Variants in AHCTF1 observed in about 807,000 individuals in gnomAD.
The protein encoded by AHCTF1 is protein ELYS.
In AHCTF1, 24 loss-of-function variants were observed where a neutral mutation model predicts 248.4. The ratio of observed to expected loss-of-function variants is 0.10; its 90% CI spans 0.07 to 0.14. The LOEUF (loss-of-function observed/expected upper bound fraction) is 0.14. Among genes scored for constraint, AHCTF1 ranks in the 10% least tolerant of loss-of-function variants. The pLI, the probability that AHCTF1 is intolerant of heterozygous loss-of-function variation, is 1.00. For synonymous variants in AHCTF1, 786 were observed against 929.8 expected, an observed-to-expected ratio of 0.85 and a Z score of 2.81; for missense variants, 2,206 against 2,636.2, an observed-to-expected ratio of 0.84 and a Z score of 3.57.
chr1:246,909,413 A>C (rs1298561413), intron 4 of AHCTF1, among the ~76,000 whole-genome samples: 3 of 150,384 alleles, frequency 2.0e-5, no homozygotes, highest in African/African-American at 4.9e-5. Flanking sequence ...AAAAAAAAAA[A>C]AAAAAAAAAA....
At chr1:246,904,832 C>T (rs1665270671) in intron 6 of AHCTF1, among the ~76,000 whole-genome samples, 1 of 152,174 alleles carries the variant, frequency 6.6e-6, no homozygotes, top group South Asian at 2.1e-4. Context: ...GCTTCTAACA[C>T]ACCACACCTT....
chr1:246,875,413 G>C (rs988966797), intron 24 of AHCTF1, among the ~76,000 whole-genome samples: 1 of 152,224 alleles, frequency 6.6e-6, no homozygotes, highest in Non-Finnish European at 1.5e-5. Flanking sequence ...TTCTTGTAGA[G>C]TAGTTTGTTA....
At position 246,851,207 on chromosome 1, in the gene AHCTF1, T is replaced by C. The variant is rs1219852485; in HGVS notation, c.4799A>G (p.Glu1600Gly). 4.3e-6 allele frequency: 7 copies of C among 1,613,764 alleles called. No homozygotes were observed. Among genetic ancestry groups the C allele is most frequent in the African/African-American group, 1.3e-5 (1 of 74,908 alleles). The change falls in exon 33 of 36, where the codon GAA becomes GGA. Residue 1600 changes from glutamate (E) to glycine (G), a missense_variant. This residue lies in a region of AHCTF1 where 955 missense variants were observed against 1,055.6 expected (regional missense o/e 0.90). Coordinates refer to ENST00000648844, the MANE Select transcript of AHCTF1 (RefSeq NM_001323342.2). Reference sequence around the variant, plus strand: ...AAAATCACCTGGCTCAACTTCTCCTTCTTCACCTTCCAATATCAAGGTAAA... The same window carrying C: ...AAAATCACCTGGCTCAACTTCTCCTCCTTCACCTTCCAATATCAAGGTAAA... ...SNFTLILEGE[E>G]GEVEPGDFAS...
At chr1:246,916,566 G>T (rs945931330) in intron 2 of AHCTF1, among the ~76,000 whole-genome samples, 171 bp from the exon 3 acceptor site, 5 of 152,034 alleles carry the variant, frequency 3.3e-5, no homozygotes, top group Admixed American at 1.3e-4. Context: ...TAGTCATTCA[G>T]TGGCGTGAAC....
intron 33 of AHCTF1, among the ~76,000 whole-genome samples, chr1:246,847,132 C>T (rs939225985): frequency 6.6e-6 from 1 of 151,638 alleles, no homozygotes; most frequent in Non-Finnish European, 1.5e-5. Context: ...ACTAAAAATA[C>T]AAAAAAATGA....
intron 29 of AHCTF1, among the ~76,000 whole-genome samples, chr1:246,860,662 T>C (rs1032022036): frequency 1.3e-5 from 2 of 152,132 alleles, no homozygotes; most frequent in African/African-American, 4.8e-5. Context: ...CCACCATGCC[T>C]GGCTAATTTT....
At chr1:246,874,631 C>T (rs949718032) in intron 24 of AHCTF1, among the ~76,000 whole-genome samples, 4 of 152,098 alleles carry the variant, frequency 2.6e-5, no homozygotes, top group African/African-American at 9.7e-5. Flanking sequence ...CTTATCCCTA[C>T]GTCTTGAACC....
In AHCTF1 at chr1:246,913,367, T is replaced by C; in HGVS notation, c.421A>G (p.Ser141Gly). The change falls in exon 4 of 36, where the codon AGC becomes GGC. Residue 141 changes from serine to glycine, a missense_variant. This residue lies in a region of AHCTF1 where 34 missense variants were observed against 97.2 expected (regional missense o/e 0.35). Coordinates refer to ENST00000648844, the MANE Select transcript of AHCTF1 (RefSeq NM_001323342.2). Reference protein sequence around the residue: ...PIINHGGASASTQHLHPSLRW... With the variant: ...PIINHGGASAGTQHLHPSLRW... ...AGACTTGGATGTAAATGCTGAGTGC[T>C]TGCACTGGCTCCTCCATGATTAATT... 2 of 1,613,608 alleles carry C rather than the reference T, an allele frequency of 1.2e-6. No individual in the cohort carries two copies. The highest frequency in any genetic ancestry group is 1.7e-6 in the Non-Finnish European group (2 of 1,179,664).
chr1:246,870,261 T>C (rs750508648), intron 24 of AHCTF1, among the ~76,000 whole-genome samples: 5 of 152,026 alleles, frequency 3.3e-5, no homozygotes, highest in South Asian at 4.1e-4. Context: ...CTGGGCGACA[T>C]AGTGAGGCCC....
chr1:246,916,300 C>T lies in AHCTF1; in HGVS notation c.217G>A (p.Val73Ile). The change falls in exon 3 of 36, where the codon GTC becomes ATC. Residue 73 changes from valine to isoleucine, a missense_variant. Val to Ile is a conservative substitution (Grantham distance 29). Coordinates refer to ENST00000648844, the MANE Select transcript of AHCTF1 (RefSeq NM_001323342.2). ...ERLSAYRFSG[V>I]NEQPPVVLAV... is the part of the protein sequence containing the mutation. ...AAAACTACAGGAGGCTGTTCATTGA[C>T]TCCACTGAATCTGTAAGCAGACAAT... is the stretch of plus-strand genomic sequence containing the variant. 6.2e-7 allele frequency: 1 copy of T among 1,609,532 alleles called. No individual in the cohort carries two copies. Among genetic ancestry groups the T allele is most frequent in the Non-Finnish European group, 8.5e-7 (1 of 1,176,360 alleles).
intron 4 of AHCTF1, among the ~76,000 whole-genome samples, chr1:246,908,730 A>C (rs1218409986): frequency 2.0e-5 from 3 of 151,024 alleles, no homozygotes; most frequent in Non-Finnish European, 4.4e-5. Flanking sequence ...TACTAAAAAA[A>C]AAAAAAAAAA....
intron 14 of AHCTF1, 48 bp from the exon 15 acceptor site, chr1:246,891,967 T>C (rs768921798): frequency 1.3e-6 from 2 of 1,536,104 alleles, no homozygotes; most frequent in South Asian, 1.3e-5. Flanking sequence ...TAAATCTAAA[T>C]AAATTAGAAT....
intron 1 of AHCTF1, among the ~76,000 whole-genome samples, chr1:246,921,060 C>A (rs1423841203): frequency 6.6e-6 from 1 of 152,100 alleles, no homozygotes; most frequent in Non-Finnish European, 1.5e-5. Context: ...GCATTGCACT[C>A]CAGCCTGGGC....
Position 246,864,003 on chromosome 1 carries a change from C to G in AHCTF1, c.3461G>C (p.Ser1154Thr). The G allele has an allele frequency of 6.2e-7, 1 of 1,614,086 alleles. No homozygotes were observed. Among genetic ancestry groups the G allele is most frequent in the Non-Finnish European group, 8.5e-7 (1 of 1,180,026 alleles). Residue 1154 changes from serine to threonine, a missense_variant, in exon 27 of 36, where the codon AGT becomes ACT. Ser to Thr is a moderately conservative substitution (Grantham distance 58). Transcript: ENST00000648844. Reference protein sequence around the residue: ...LYLVSRSLPSSSQLKGSPQAI... With the variant: ...LYLVSRSLPSTSQLKGSPQAI... ...CTGAGGCGATCCTTTTAATTGCGAACTTGAGGGCAGTGAACGGGATACTAG... is the reference window on the plus strand; with the variant it reads ...CTGAGGCGATCCTTTTAATTGCGAAGTTGAGGGCAGTGAACGGGATACTAG...
chr1:246,889,500 T>C (rs1664066638), intron 17 of AHCTF1, among the ~76,000 whole-genome samples: 1 of 152,204 alleles, frequency 6.6e-6, no homozygotes, highest in Admixed American at 6.5e-5. Flanking sequence ...AAAATATGCC[T>C]AGTCAATCTC....
chr1:246,859,049 C>T (rs1225977013), intron 29 of AHCTF1, among the ~76,000 whole-genome samples: 3 of 151,976 alleles, frequency 2.0e-5, no homozygotes, highest in Non-Finnish European at 2.9e-5. Context: ...CCATCCTGGG[C>T]GACAGAGCAA....
At chr1:246,887,445 A>G (rs1663902512) in intron 19 of AHCTF1, 88 bp from the exon 20 acceptor site, 1 of 1,317,924 alleles carries the variant, frequency 7.6e-7, no homozygotes, top group African/African-American at 1.5e-5. Context: ...AAAATGTAGC[A>G]TTAAAAGAGA....
At chr1:246,887,465 C>A (rs1663904566) in intron 19 of AHCTF1, 108 bp from the exon 20 acceptor site, 3 of 1,145,782 alleles carry the variant, frequency 2.6e-6, no homozygotes, top group Admixed American at 2.6e-5. Context: ...ACTTGAAATG[C>A]CTGTTTTTAG....
chr1:246,868,578 C>G (rs1225686874), intron 24 of AHCTF1, among the ~76,000 whole-genome samples: 1 of 144,932 alleles, frequency 6.9e-6, no homozygotes, highest in Non-Finnish European at 1.5e-5. Context: ...TATAGCTATG[C>G]TGGATTTAGG....
Sources: gnomAD v4.1 joint callset for allele counts (sites outside exome capture counted in the v4.1 genomes callset) on GRCh38, gnomAD v4.1.1 for gene constraint, gnomAD v4.1.1 regional missense constraint, MANE v1.5 for transcripts, NCBI Gene and HGNC (gene_info 2026-07-23, HGNC 2026-07-21) for gene names.